PLSCR2: variants seen among roughly 807,000 people sequenced by gnomAD.
The protein encoded by PLSCR2 is phospholipid scramblase 2, also known as PL scramblase 2.
In PLSCR2, 18 loss-of-function variants were observed where a neutral mutation model predicts 25.3. The observed-to-expected ratio is 0.71, with a 90% CI of 0.49 to 1.06. The LOEUF (loss-of-function observed/expected upper bound fraction) is 1.06. Ranked by LOEUF, PLSCR2 falls within the 50% of genes least tolerant of loss-of-function variation. PLSCR2 has a pLI of 0.00. For synonymous variants in PLSCR2, 88 were observed against 87.3 expected (o/e 1.01, Z -0.04); for missense variants, 243 against 269.5 (o/e 0.90, Z 0.69).
chr3:146,417,207 C>A (rs970620868), intron 2 of PLSCR2, among the ~76,000 whole-genome samples: 1 of 152,050 alleles, frequency 6.6e-6, no homozygotes, highest in Non-Finnish European at 1.5e-5. Flanking sequence ...ATCTACAAAC[C>A]CTGTTTCCAG....
chr3:146,472,906 C>G (rs1016687641), intron 1 of PLSCR2, among the ~76,000 whole-genome samples: 1 of 152,350 alleles, frequency 6.6e-6, no homozygotes, highest in Middle Eastern at 3.4e-3. Flanking sequence ...TGAAGCCTCT[C>G]TGGCTTGCAG....
chr3:146,402,804 T>C (rs2038523432), intron 2 of PLSCR2, among the ~76,000 whole-genome samples: 1 of 152,078 alleles, frequency 6.6e-6, no homozygotes, highest in Non-Finnish European at 1.5e-5. Flanking sequence ...CTGAAACAGG[T>C]TGAGTATAGA....
chr3:146,474,817 T>G (rs569096619), intron 1 of PLSCR2, among the ~76,000 whole-genome samples: 1 of 152,154 alleles, frequency 6.6e-6, no homozygotes, highest in East Asian at 1.9e-4. Flanking sequence ...CCATATTTCT[T>G]GGAGGCTTTG....
downstream of PLSCR2, among the ~76,000 whole-genome samples, chr3:146,428,691 G>T (rs1559985339): frequency 6.6e-6 from 1 of 152,112 alleles, no homozygotes; most frequent in Non-Finnish European, 1.5e-5. Context: ...GCATTTTGAT[G>T]CTATGAGGCT....
intron 8 of PLSCR2, among the ~76,000 whole-genome samples, chr3:146,435,514 G>C (rs2039788151): frequency 6.6e-6 from 1 of 152,164 alleles, no homozygotes; most frequent in Non-Finnish European, 1.5e-5. Context: ...GCATTTCTCT[G>C]ATGGCCAGAG....
At chr3:146,478,041 A>G (rs966954836) in intron 1 of PLSCR2, among the ~76,000 whole-genome samples, 1 of 152,176 alleles carries the variant, frequency 6.6e-6, no homozygotes, top group African/African-American at 2.4e-5. Context: ...GAAAACTAAC[A>G]AACTGAAAGG....
At chr3:146,495,826 G>GT in intron 1 of PLSCR2, 1 of 1,198,936 alleles carries the variant, frequency 8.3e-7, no homozygotes, top group South Asian at 1.3e-5. Context: ...ACAAAAGGGA[G>GT]TATGTAGTAG....
intron 1 of PLSCR2, among the ~76,000 whole-genome samples, chr3:146,481,442 AACAG>A (rs1475385534): frequency 6.6e-6 from 1 of 151,660 alleles, no homozygotes; most frequent in Non-Finnish European, 1.5e-5. Flanking sequence ...ACCAATAACA[AACAG>A]ACAGCCAAGT....
At chr3:146,478,846 A>G (rs2043026792) in intron 1 of PLSCR2, among the ~76,000 whole-genome samples, 1 of 152,226 alleles carries the variant, frequency 6.6e-6, no homozygotes, top group African/African-American at 2.4e-5. Context: ...GCCAGAGACA[A>G]AGGTCGGGTT....
intron 1 of PLSCR2, among the ~76,000 whole-genome samples, chr3:146,471,843 C>T (rs940419072): frequency 2.0e-5 from 3 of 152,302 alleles, no homozygotes; most frequent in East Asian, 1.9e-4. Context: ...GGATTGCAGG[C>T]GTGAGCCACC....
intron 2 of PLSCR2, among the ~76,000 whole-genome samples, chr3:146,411,488 C>T (rs540284449): frequency 7.9e-5 from 12 of 152,316 alleles, no homozygotes; most frequent in South Asian, 6.2e-4. Flanking sequence ...GGTCACTCTT[C>T]GGGGACCTGA....
chr3:146,394,823 AG>A (rs2107974741), intron 3 of PLSCR2, among the ~76,000 whole-genome samples: 1 of 152,200 alleles, frequency 6.6e-6, no homozygotes, highest in African/African-American at 2.4e-5. Context: ...GTGGGGAGGG[AG>A]GGAAGTGATT....
At chr3:146,495,940 A>G (rs1356296319), upstream of PLSCR2, 5 of 1,533,844 alleles carry the variant, frequency 3.3e-6, no homozygotes, top group South Asian at 1.2e-5. Flanking sequence ...TCGGCCCACA[A>G]TCCAGAGTCT....
At chr3:146,489,534 C>T (rs1456061721) in intron 1 of PLSCR2, among the ~76,000 whole-genome samples, 1 of 152,048 alleles carries the variant, frequency 6.6e-6, no homozygotes, top group Non-Finnish European at 1.5e-5. Context: ...TGCTTGGCTG[C>T]TAGTTTTCAC....
chr3:146,441,409 TA>T (rs1576633408), downstream of PLSCR2, among the ~76,000 whole-genome samples: 1 of 151,958 alleles, frequency 6.6e-6, no homozygotes, highest in African/African-American at 2.4e-5. Context: ...AATGATACAT[TA>T]AGACTCCTTT....
chr3:146,454,282 A>G (rs955268149), intron 4 of PLSCR2, 119 bp from the exon 5 acceptor site: 46 of 624,560 alleles, frequency 7.4e-5, no homozygotes, highest in Non-Finnish European at 1.1e-4. Flanking sequence ...ACTTCCTAGG[A>G]CTTTTTTTTT....
In PLSCR2 at chr3:146,455,409, CA is replaced by C. The variant is rs1208132021; in HGVS notation, c.150del (p.Phe50LeufsTer28). 6.2e-7 allele frequency: 1 copy of C among 1,613,482 alleles called. No homozygotes were observed. The highest frequency in any genetic ancestry group is 8.5e-7 in the Non-Finnish European group (1 of 1,179,550). ...TCTGCTGCAAAATAAATCCTCTGCC[CA>C]AAGCTGTTCTTGATTTCATACATGT... On this transcript the variant is annotated frameshift_variant, in exon 4 of 7. Transcript: ENST00000610787. LOFTEE classifies it high-confidence loss of function.
upstream of PLSCR2, among the ~76,000 whole-genome samples, chr3:146,460,669 T>C (rs114808903): frequency 0.041 from 6,219 of 152,234 alleles, 175 homozygotes; most frequent in Admixed American, 0.087. Flanking sequence ...AGCTGGTTGA[T>C]AGAAGCCAGG....
chr3:146,454,226 T>C, intron 4 of PLSCR2, 63 bp from the exon 5 acceptor site: 4 of 1,152,544 alleles, frequency 3.5e-6, no homozygotes, highest in Non-Finnish European at 4.8e-6. Context: ...TAATAATAGC[T>C]CTAATTTACT....
Sources: allele counts gnomAD v4.1 joint callset (sites outside exome capture counted in the v4.1 genomes callset), GRCh38; gene constraint gnomAD v4.1.1; transcripts MANE v1.5; gene names NCBI Gene and HGNC (gene_info 2026-07-23, HGNC 2026-07-21).